Variants in FBXO32 observed in about 807,000 individuals in gnomAD.
FBXO32 encodes the protein F-box protein 32.
A neutral mutation model predicts 48.3 loss-of-function variants in FBXO32; 15 were observed. The ratio of observed to expected loss-of-function variants is 0.31; its 90% CI spans 0.21 to 0.48. The LOEUF is 0.48. Among genes scored for constraint, FBXO32 ranks in the 20% least tolerant of loss-of-function variants. The probability of loss-of-function intolerance (pLI) is 0.99; values close to 1 mark genes in which losing one functional copy is unlikely to be tolerated. For missense variants in FBXO32, 309 were observed against 432.7 expected, an observed-to-expected ratio of 0.71 and a Z score of 2.54; for synonymous variants, 154 against 165.9, an observed-to-expected ratio of 0.93 and a Z score of 0.55.
intron 2 of FBXO32, among the ~76,000 whole-genome samples, chr8:123,533,884 G>A (rs1817258564): frequency 6.6e-6 from 1 of 151,852 alleles, no homozygotes; most frequent in South Asian, 2.1e-4. Context: ...CTTGAGCCCT[G>A]GAGTTTGAGA....
intron 6 of FBXO32, among the ~76,000 whole-genome samples, chr8:123,507,032 T>C (rs1816640179): frequency 6.6e-6 from 1 of 152,172 alleles, no homozygotes; most frequent in Non-Finnish European, 1.5e-5. Flanking sequence ...TGGCTCAGCC[T>C]GACCTCAATG....
At chr8:123,504,842 TC>T in intron 7 of FBXO32, 95 bp from the exon 8 acceptor site, 4 of 1,225,858 alleles carry the variant, frequency 3.3e-6, no homozygotes, top group African/African-American at 1.5e-5. Flanking sequence ...TCTCACCCTT[TC>T]CCCCTCTTTT....
At chr8:123,527,075 A>G (rs1817093533) in intron 4 of FBXO32, 1 of 152,166 alleles carries the variant, frequency 6.6e-6, no homozygotes, top group Non-Finnish European at 1.5e-5. Context: ...GAAACATTAT[A>G]CTCCTTTCAA....
At chr8:123,512,651 C>G (rs1816758921) in intron 6 of FBXO32, among the ~76,000 whole-genome samples, 1 of 151,830 alleles carries the variant, frequency 6.6e-6, no homozygotes, top group Non-Finnish European at 1.5e-5. Context: ...CGCCAAACCT[C>G]ACTGGTAATA....
In FBXO32 at chr8:123,505,860, T is replaced by A. The variant is rs917589565; in HGVS notation, c.834+532A>T. Among the ~76,000 whole-genome samples the A allele has an allele frequency of 2.6e-4, 39 of 152,114 alleles. 1 individual carries two copies. Among genetic ancestry groups the A allele is most frequent in the African/African-American group, 9.4e-4 (39 of 41,444 alleles). On this transcript the variant is annotated intron_variant, in intron 7 of 8. Coordinates refer to ENST00000517956, the MANE Select transcript of FBXO32 (RefSeq NM_058229.4). Reference sequence around the variant, plus strand: ...AGTGAGTTGTAAAATGAGAATAGGTTAAGAATGTAAGTTTAATTTTTTCCA... The same window carrying A: ...AGTGAGTTGTAAAATGAGAATAGGTAAAGAATGTAAGTTTAATTTTTTCCA...
At chr8:123,520,907 T>C (rs1816938922) in intron 4 of FBXO32, among the ~76,000 whole-genome samples, 1 of 152,190 alleles carries the variant, frequency 6.6e-6, no homozygotes, top group African/African-American at 2.4e-5. Flanking sequence ...CTACACAGGT[T>C]ATTCGTCTCT....
In FBXO32 at chr8:123,503,040, CT is replaced by C. The variant is rs1382689022; in HGVS notation, c.*332del. 5.8e-6 allele frequency: 1 copy of C among 173,372 alleles called. No individual in the cohort carries two copies. Among genetic ancestry groups the C allele is most frequent in the Non-Finnish European group, 1.2e-5 (1 of 81,840 alleles). 10.7% of individuals were successfully genotyped at this position (173,372 alleles called of 1,614,324 possible). ...GTTTTGCCTTTTTCTTCCTAGGGAA[CT>C]ATAAGAGAGTTTCTGTGACCATTAA... On this transcript the variant is annotated 3_prime_UTR_variant, in exon 9 of 9. Coordinates refer to ENST00000517956, the MANE Select transcript of FBXO32 (RefSeq NM_058229.4).
chr8:123,512,385 C>T (rs955592824), intron 6 of FBXO32, among the ~76,000 whole-genome samples: 1 of 152,182 alleles, frequency 6.6e-6, no homozygotes, highest in Non-Finnish European at 1.5e-5. Flanking sequence ...ATGAGGCAAC[C>T]TCAAACTTTA....
chr8:123,520,208 G>GA (rs1816923919), intron 4 of FBXO32, among the ~76,000 whole-genome samples: 1 of 152,160 alleles, frequency 6.6e-6, no homozygotes, highest in African/African-American at 2.4e-5. Flanking sequence ...AGCCACAAGA[G>GA]AAAAAAAGAA....
chr8:123,532,067 C>T (rs1817221474), intron 3 of FBXO32, 77 bp from the exon 4 acceptor site: 1 of 1,589,654 alleles, frequency 6.3e-7, no homozygotes, highest in Non-Finnish European at 8.6e-7. Context: ...CCAGTTAGAA[C>T]AACCCAACTG....
At chr8:123,508,895 C>T (rs1285851053) in intron 6 of FBXO32, among the ~76,000 whole-genome samples, 13 of 152,210 alleles carry the variant, frequency 8.5e-5, no homozygotes, top group Admixed American at 8.5e-4. Context: ...CCATGCTAAG[C>T]CCTTCCTCCT....
chr8:123,536,033 T>G (rs1332151862), intron 1 of FBXO32, among the ~76,000 whole-genome samples: 1 of 152,232 alleles, frequency 6.6e-6, no homozygotes, highest in Non-Finnish European at 1.5e-5. Context: ...AGTATCTTTT[T>G]GTTATTAATA....
At chr8:123,522,105 C>A (rs1816967552) in intron 4 of FBXO32, among the ~76,000 whole-genome samples, 1 of 151,596 alleles carries the variant, frequency 6.6e-6, no homozygotes, top group African/African-American at 2.4e-5. Context: ...TCTCTTTTAA[C>A]AGAGGGAGTT....
chr8:123,517,289 C>T (rs1816858313), intron 4 of FBXO32, among the ~76,000 whole-genome samples: 1 of 152,150 alleles, frequency 6.6e-6, no homozygotes, highest in Non-Finnish European at 1.5e-5. Flanking sequence ...AAAATATGCA[C>T]CAATCACAAG....
rs1816798013 is a variant in FBXO32, at chr8:123,514,423, A to T, written c.373-90T>A. 1.3e-5 allele frequency: 12 copies of T among 923,866 alleles called. No individual in the cohort carries two copies. In the South Asian group the frequency reaches 2.2e-4, roughly 17 times the overall value. The allele number at this position is 923,866 out of a possible 1,614,324, so 57.2% of individuals were successfully genotyped here. ...CTTTTGAGTCCCATGACACGTGGAT[A>T]CAGACTGACGGGGAGAGATAAATGG... On this transcript the variant is annotated intron_variant, in intron 4 of 8. Coordinates refer to ENST00000517956, the MANE Select transcript of FBXO32 (RefSeq NM_058229.4).
At position 123,525,226 on chromosome 8, in the gene FBXO32, A is replaced by C. The variant is rs1036536789; in HGVS notation, c.372+6672T>G. On this transcript the variant is annotated intron_variant, in intron 4 of 8. Transcript: ENST00000517956. This position sits in a 1 kb window ranked among gnomAD's most constrained non-coding sequence, Gnocchi z 4.3. ...TAACTTGCTGGAAACATTCAAATGCACTTAGGGTGGTAACGCAGAAAAAAA... is the reference window on the plus strand; with the variant it reads ...TAACTTGCTGGAAACATTCAAATGCCCTTAGGGTGGTAACGCAGAAAAAAA... Among the ~76,000 whole-genome samples, 1 of 152,238 alleles carries C rather than the reference A, an allele frequency of 6.6e-6. No individual in the cohort carries two copies. The highest frequency in any genetic ancestry group is 1.5e-5 in the Non-Finnish European group (1 of 68,040).
At chr8:123,526,883 C>G (rs1482048338) in intron 4 of FBXO32, 2 of 151,886 alleles carry the variant, frequency 1.3e-5, no homozygotes, top group Non-Finnish European at 2.9e-5. Context: ...TGTAGAAATC[C>G]AGATAGTAAA....
rs1316491126 is a variant in FBXO32 at position 123,500,979 on chromosome 8, C to T, written c.*2394G>A. On this transcript the variant is annotated 3_prime_UTR_variant, in exon 9 of 9. Coordinates refer to ENST00000517956, the MANE Select transcript of FBXO32 (RefSeq NM_058229.4). ...ACAGATGCACATGGTTGCCTGGAGT[C>T]TATCGTACAATCATGTGCACTGCTG... 6.6e-6 allele frequency: 1 copy of T among 152,202 alleles called. No homozygotes were observed. Among genetic ancestry groups the T allele is most frequent in the African/African-American group, 2.4e-5 (1 of 41,442 alleles). The allele number at this position is 152,202 out of a possible 1,614,324, so 9.4% of individuals were successfully genotyped here.
At chr8:123,526,740 C>G (rs1247607317) in intron 4 of FBXO32, among the ~76,000 whole-genome samples, 1 of 152,220 alleles carries the variant, frequency 6.6e-6, no homozygotes, top group Non-Finnish European at 1.5e-5. Context: ...ACTTCATAGC[C>G]TATCTGCCTC....
Sources: allele counts gnomAD v4.1 joint callset (sites outside exome capture counted in the v4.1 genomes callset), GRCh38; gene constraint gnomAD v4.1.1; non-coding constraint Gnocchi (gnomAD v3.1); transcripts MANE v1.5; gene names NCBI Gene and HGNC (gene_info 2026-07-23, HGNC 2026-07-21).